Variants in MIOS observed in about 807,000 individuals in gnomAD.
MIOS encodes the protein GATOR2 complex protein MIOS.
A neutral mutation model predicts 96.9 loss-of-function variants in MIOS; 52 were observed. The observed-to-expected ratio is 0.54, with a 90% confidence interval of 0.43 to 0.68. The LOEUF is 0.68. Among genes scored for constraint, MIOS ranks in the 30% least tolerant of loss-of-function variants. The pLI is 0.00. For missense variants in MIOS, 1,005 were observed against 1,052.8 expected (o/e 0.95, Z 0.63); for synonymous variants, 397 against 359.5 (o/e 1.10, Z -1.18).
chr7:7,569,086 A>C (rs143675687), intron 3 of MIOS, among the ~76,000 whole-genome samples: 1 of 152,346 alleles, frequency 6.6e-6, no homozygotes, highest in East Asian at 1.9e-4. Context: ...GTGTTTATTT[A>C]AACATTGATT....
chr7:7,600,899 C>G (rs1784356336), intron 11 of MIOS, among the ~76,000 whole-genome samples: 1 of 152,148 alleles, frequency 6.6e-6, no homozygotes, highest in Admixed American at 6.5e-5. Flanking sequence ...AACTAGAACT[C>G]AGGATTAAGA....
intron 8 of MIOS, 92 bp from the exon 9 acceptor site, chr7:7,589,313 C>A: frequency 9.2e-7 from 1 of 1,084,954 alleles, no homozygotes; most frequent in Non-Finnish European, 1.3e-6. Flanking sequence ...AAATGTTTTC[C>A]ATTAGGAATG....
At position 7,607,090 on chromosome 7, in the gene MIOS, T is replaced by C. The variant is rs1365146645; in HGVS notation, c.2626T>C (p.Ter876GlnextTer15). The C allele has an allele frequency of 1.2e-6, 2 of 1,608,536 alleles. No homozygotes were observed. Among genetic ancestry groups the C allele is most frequent in the East Asian group, 2.2e-5 (1 of 44,768 alleles). The change falls in exon 13 of 13, where the codon TAA (stop) becomes CAA (glutamine). Residue 876 changes from the stop codon to glutamine, a stop_lost. Coordinates refer to ENST00000340080, the MANE Select transcript of MIOS (RefSeq NM_019005.4). ...GGTACCTGCAGAGACTGTCCAGCCA[T>C]AAAATGTTACCACCTTAAGAGAACC... is the stretch of plus-strand genomic sequence containing the variant. The part of the protein sequence containing the change: ...NLVPAETVQP[*>Q]
chr7:7,605,924 C>T lies in MIOS; in HGVS notation c.2402-18C>T, dbSNP rs927943372. 6.2e-7 allele frequency: 1 copy of T among 1,606,042 alleles called. No individual in the cohort carries two copies. The highest frequency in any genetic ancestry group is 8.5e-7 in the Non-Finnish European group (1 of 1,174,566). On this transcript the variant is annotated intron_variant, in intron 11 of 12. Coordinates refer to ENST00000340080, the MANE Select transcript of MIOS (RefSeq NM_019005.4). ...ATATTATGATATAGTTAATGAAGAT[C>T]ATTTTATTTTGTCATAGGAGGAACC...
chr7:7,606,082 C>T lies in MIOS; in HGVS notation c.2531+11C>T, dbSNP rs778406615. 2 of 1,613,082 alleles carry T rather than the reference C, an allele frequency of 1.2e-6. No individual in the cohort carries two copies. The highest frequency in any genetic ancestry group is 3.3e-5 in the Admixed American group (2 of 59,976). ...GCTTAGTTGGTTCAGGTAATCAGCA[C>T]ATTTCTTCTTTGATAGGCTTGGAGT... On this transcript the variant is annotated intron_variant, in intron 12 of 12. Transcript: ENST00000340080.
intron 7 of MIOS, among the ~76,000 whole-genome samples, chr7:7,587,304 G>A (rs1783918880): frequency 6.6e-6 from 1 of 152,234 alleles, no homozygotes; most frequent in South Asian, 2.1e-4. Flanking sequence ...ACAGATGTGA[G>A]CCGCCATGCC....
chr7:7,583,509 A>C (rs752815721), intron 6 of MIOS, 137 bp downstream of exon 6: 29 of 994,070 alleles, frequency 2.9e-5, no homozygotes, highest in Non-Finnish European at 3.8e-5. Context: ...TGGAGGAGAA[A>C]ACACAGCAGT....
chr7:7,587,869 A>G (rs1783939283), intron 7 of MIOS, among the ~76,000 whole-genome samples: 1 of 152,210 alleles, frequency 6.6e-6, no homozygotes, highest in African/African-American at 2.4e-5. Flanking sequence ...GTACCTTCCT[A>G]CATTTGTAGT....
At position 7,608,838 on chromosome 7, in the gene MIOS, G is replaced by A. The variant is rs147890724; in HGVS notation, c.*1746G>A. The A allele has an allele frequency of 1.3e-5, 2 of 152,102 alleles. No homozygotes were observed. The highest frequency in any genetic ancestry group is 3.9e-4 in the East Asian group (2 of 5,192). 9.4% of individuals were successfully genotyped at this position (152,102 alleles called of 1,614,324 possible). A position where few individuals can be genotyped will look rare whatever the true frequency, so the allele number is the denominator to read the frequency against. On this transcript the variant is annotated 3_prime_UTR_variant, in exon 13 of 13. Coordinates refer to ENST00000340080, the MANE Select transcript of MIOS (RefSeq NM_019005.4). The stretch of plus-strand genomic sequence containing the variant: ...AAAACATGAATGTAAAGTCTATTAT[G>A]TAATATGCTTATTTGTAATCCTAAT...
rs372634070 is a variant in MIOS, at chr7:7,597,517, T to TATATATATATATAAAAAA, written c.2401+1056_2401+1057insATATATATATATAAAAAA. ...ATATATATATATATATATATATATA[T>TATATATATATATAAAAAA]GAAGGCAATACGTAATGTTTTAAAT... On this transcript the variant is annotated intron_variant, in intron 11 of 12. Transcript: ENST00000340080. 3.9e-3 allele frequency among the ~76,000 whole-genome samples: 274 copies of TATATATATATATAAAAAA among 70,420 alleles called. 54 individuals carry two copies. The highest frequency in any genetic ancestry group is 5.1e-3 in the Non-Finnish European group (187 of 36,492). The allele number at this position is 70,420 out of a possible 152,430, so 46.2% of individuals were successfully genotyped here.
At chr7:7,593,891 AAAAAG>A (rs1312604722) in intron 9 of MIOS, among the ~76,000 whole-genome samples, 3,442 of 104,134 alleles carry the variant, frequency 0.033, 133 homozygotes, top group African/African-American at 0.076. Context: ...AAAAAAAAAA[AAAAAG>A]AAAAAGAAAA....
chr7:7,585,909 T>G, intron 7 of MIOS, 104 bp downstream of exon 7: 1 of 1,070,170 alleles, frequency 9.3e-7, no homozygotes, highest in Non-Finnish European at 1.3e-6. Flanking sequence ...TATTATATTT[T>G]TATGCATATG....
chr7:7,578,141 T>C (rs1783596210), intron 5 of MIOS, among the ~76,000 whole-genome samples: 1 of 152,112 alleles, frequency 6.6e-6, no homozygotes, highest in African/African-American at 2.4e-5. Context: ...GCTAAAGTCT[T>C]GGAGGTGTAG....
Position 7,607,262 on chromosome 7 carries a change from A to G in MIOS, c.*170A>G. The G allele has an allele frequency of 1.9e-6, 1 of 525,822 alleles. No individual in the cohort carries two copies. The highest frequency in any genetic ancestry group is 3.3e-6 in the Non-Finnish European group (1 of 302,368). 32.6% of individuals were successfully genotyped at this position (525,822 alleles called of 1,614,324 possible). On this transcript the variant is annotated 3_prime_UTR_variant, in exon 13 of 13. Transcript: ENST00000340080. ...TGTTTGAGTGATTTTGATATGCTTC[A>G]CAGAGACAAATGCTGCCAAAATAAA...
chr7:7,574,147 A>G lies in MIOS; in HGVS notation c.1344A>G (p.Lys448=), dbSNP rs1783450319. ...TGGATCAGAAATCTCCAGGCAACAA[A>G]GGATCATTGGTTTATGCAGGAATTA... The part of the protein sequence containing the change: ...EDMDQKSPGN[K]GSLVYAGIKS... Residue 448 remains lysine, a synonymous_variant, in exon 5 of 13, where the codon AAA becomes AAG. Coordinates refer to ENST00000340080, the MANE Select transcript of MIOS (RefSeq NM_019005.4). The G allele has an allele frequency of 1.2e-6, 2 of 1,611,202 alleles. No homozygotes were observed. Among genetic ancestry groups the G allele is most frequent in the East Asian group, 2.2e-5 (1 of 44,676 alleles).
intron 6 of MIOS, among the ~76,000 whole-genome samples, chr7:7,584,964 T>A (rs1477945485): frequency 6.6e-6 from 1 of 152,154 alleles, no homozygotes; most frequent in African/African-American, 2.4e-5. Flanking sequence ...GTAGTTCATT[T>A]TGTCCTGGAA....
chr7:7,597,496 ATATATATATATATATAT>A (rs1784244721), intron 11 of MIOS, among the ~76,000 whole-genome samples: 5 of 67,040 alleles, frequency 7.5e-5, no homozygotes, highest in African/African-American at 2.9e-4. Context: ...ATATATATAT[ATATATATATATATATAT>A]ATATGAAGGC....
rs983270877 is a variant in MIOS at position 7,573,980 on chromosome 7, T to C, written c.1295-118T>C. The C allele has an allele frequency of 8.7e-6, 8 of 915,196 alleles. No individual in the cohort carries two copies. The highest frequency in any genetic ancestry group is 1.3e-5 in the Non-Finnish European group (8 of 618,940). 56.7% of individuals were successfully genotyped at this position (915,196 alleles called of 1,614,324 possible). Reference sequence around the variant, plus strand: ...GAGGAAGAAAAGTGTATCTCTGCAATAGAGTCGAACCACCTTATTTACACT... The same window carrying C: ...GAGGAAGAAAAGTGTATCTCTGCAACAGAGTCGAACCACCTTATTTACACT... On this transcript the variant is annotated intron_variant, in intron 4 of 12. Coordinates refer to ENST00000340080, the MANE Select transcript of MIOS (RefSeq NM_019005.4). The surrounding 1 kb of genome is among the most constrained non-coding windows in gnomAD (Gnocchi z 5.0).
chr7:7,577,199 A>C lies in MIOS; in HGVS notation c.1393+3003A>C, dbSNP rs183386837. Among the ~76,000 whole-genome samples, 13 of 152,292 alleles carry C rather than the reference A, an allele frequency of 8.5e-5. No individual in the cohort carries two copies. The East Asian group carries it at 2.5e-3, about 29-fold the overall frequency. On this transcript the variant is annotated intron_variant, in intron 5 of 12. Coordinates refer to ENST00000340080, the MANE Select transcript of MIOS (RefSeq NM_019005.4). ...GAAAGATCTATATGACAAAAACCGC[A>C]ATCACTTTTGTACCAACCTAGTATA...
Sources: gnomAD v4.1 joint callset for allele counts (sites outside exome capture counted in the v4.1 genomes callset) on GRCh38, gnomAD v4.1.1 for gene constraint, Gnocchi (gnomAD v3.1) non-coding constraint, MANE v1.5 for transcripts, NCBI Gene and HGNC (gene_info 2026-07-23, HGNC 2026-07-21) for gene names.